The following LIN9 variants were observed in gnomAD, a reference collection of about 807,000 sequenced individuals.
LIN9 encodes lin-9 DREAM MuvB core complex component.
Under a neutral mutation model 78.0 loss-of-function variants are expected in LIN9, and 18 were observed. That is an observed-to-expected ratio of 0.23 (90% CI 0.16 to 0.34). LIN9 has a LOEUF of 0.34. Among genes scored for constraint, LIN9 ranks in the 10% least tolerant of loss-of-function variants. LIN9 has a pLI of 1.00. For synonymous variants in LIN9, 192 were observed against 215.2 expected (o/e 0.89, Z 0.94); for missense variants, 451 against 644.1 (o/e 0.70, Z 3.25).
intron 10 of LIN9, among the ~76,000 whole-genome samples, chr1:226,251,377 G>A (rs1474259885): frequency 1.3e-5 from 2 of 152,120 alleles, no homozygotes; most frequent in East Asian, 1.9e-4. Flanking sequence ...ACAGGCACCC[G>A]CCACCATGCC....
intron 11 of LIN9, among the ~76,000 whole-genome samples, chr1:226,243,689 C>G (rs1307741802): frequency 7.8e-6 from 1 of 127,818 alleles, no homozygotes; most frequent in African/African-American, 3.1e-5. Context: ...GAGCGAGACT[C>G]CGTCTCAAAA....
At chr1:226,264,179 G>C (rs1659774268) in intron 10 of LIN9, among the ~76,000 whole-genome samples, 1 of 151,596 alleles carries the variant, frequency 6.6e-6, no homozygotes, top group South Asian at 2.1e-4. Flanking sequence ...AGGAGTTTGA[G>C]ACCAGCCTGG....
chr1:226,294,277 CA>C (rs35182254), intron 4 of LIN9, among the ~76,000 whole-genome samples: 77,717 of 114,136 alleles, frequency 0.68, 23,922 homozygotes, highest in East Asian at 0.73. Context: ...CAATGCAGTC[CA>C]AAAAAAAAAA....
Position 226,309,110 on chromosome 1 carries a change from C to T in LIN9, c.30G>A (p.Glu10=), listed in dbSNP as rs1663119268. Residue 10 remains glutamate (E), a splice_region_variant and synonymous_variant, in exon 1 of 15, where the codon GAG becomes GAA. Coordinates refer to ENST00000681046, the MANE Select transcript of LIN9 (RefSeq NM_001366245.2). MAELDQLPD[E]SSSAKALVSL... is the part of the protein sequence containing the mutation. ...GGGGTGCTTTGAGGTGCTACTCACT[C>T]TCGTCAGGCAACTGGTCGAGCTCCG... is the stretch of plus-strand genomic sequence containing the variant. 5 of 1,329,384 alleles carry T rather than the reference C, an allele frequency of 3.8e-6. No individual in the cohort carries two copies. Among genetic ancestry groups the T allele is most frequent in the Non-Finnish European group, 4.9e-6 (5 of 1,028,286 alleles). 82.3% of individuals were successfully genotyped at this position (1,329,384 alleles called of 1,614,324 possible). A position where few individuals can be genotyped will look rare whatever the true frequency, so the allele number is the denominator to read the frequency against.
At chr1:226,257,124 A>AT (rs1375156946) in intron 10 of LIN9, among the ~76,000 whole-genome samples, 1 of 151,430 alleles carries the variant, frequency 6.6e-6, no homozygotes, top group Non-Finnish European at 1.5e-5. Flanking sequence ...TAATTTTTGT[A>AT]TTTTTAGTAG....
intron 6 of LIN9, among the ~76,000 whole-genome samples, chr1:226,280,574 G>A (rs1660984364): frequency 6.6e-6 from 1 of 152,084 alleles, no homozygotes; most frequent in African/African-American, 2.4e-5. Context: ...TCAGGAGATC[G>A]AGACCATCCT....
chr1:226,295,410 C>T (rs1341679077), intron 4 of LIN9, among the ~76,000 whole-genome samples: 1 of 151,962 alleles, frequency 6.6e-6, no homozygotes, highest in Non-Finnish European at 1.5e-5. Context: ...GATCACGCCA[C>T]TGTACTCCAG....
rs1659920878 is a variant in LIN9 at position 226,266,559 on chromosome 1, G to A, written c.817-227C>T. On this transcript the variant is annotated intron_variant, in intron 8 of 14. Coordinates refer to ENST00000681046, the MANE Select transcript of LIN9 (RefSeq NM_001366245.2). ...AACACTACTTTGCTGCCAAAAGGAT[G>A]AACCTCCAGAAGAAAAAAAGAAATA... Among the ~76,000 whole-genome samples, 3 of 142,094 alleles carry A rather than the reference G, an allele frequency of 2.1e-5. No homozygotes were observed. In the Admixed American group the frequency reaches 2.1e-4, roughly 10 times the overall value. The allele number at this position is 142,094 out of a possible 152,430, so 93.2% of individuals were successfully genotyped here. A position where few individuals can be genotyped will look rare whatever the true frequency, so the allele number is the denominator to read the frequency against.
At chr1:226,283,246 C>T (rs1661178287) in intron 6 of LIN9, among the ~76,000 whole-genome samples, 2 of 151,370 alleles carry the variant, frequency 1.3e-5, no homozygotes, top group Admixed American at 1.3e-4. Flanking sequence ...CCCACCTCAG[C>T]CTCCTGAGTA....
intron 10 of LIN9, among the ~76,000 whole-genome samples, chr1:226,253,437 G>T (rs1658976450): frequency 6.6e-6 from 1 of 151,616 alleles, no homozygotes; most frequent in Admixed American, 6.6e-5. Context: ...GGGACTACAG[G>T]CTCGCACCAC....
At chr1:226,274,108 C>A (rs1445514967) in intron 7 of LIN9, among the ~76,000 whole-genome samples, 1 of 152,224 alleles carries the variant, frequency 6.6e-6, no homozygotes, top group East Asian at 1.9e-4. Context: ...GCTGGGATTA[C>A]AGGCATGACC....
chr1:226,234,913 A>T (rs1382355784), intron 12 of LIN9, among the ~76,000 whole-genome samples: 12 of 62,484 alleles, frequency 1.9e-4, no homozygotes, highest in African/African-American at 4.6e-4. Context: ...TTTTTTTTTG[A>T]GACAGTCTCA....
intron 10 of LIN9, among the ~76,000 whole-genome samples, chr1:226,253,092 A>G (rs1658945133): frequency 6.6e-6 from 1 of 151,556 alleles, no homozygotes; most frequent in African/African-American, 2.4e-5. Context: ...GCAAGACCCC[A>G]TCTCTATGAA....
At chr1:226,271,165 C>T (rs1660248986) in intron 7 of LIN9, among the ~76,000 whole-genome samples, 2 of 152,170 alleles carry the variant, frequency 1.3e-5, no homozygotes, top group African/African-American at 4.8e-5. Flanking sequence ...AGTATCATGT[C>T]TAGACATTTT....
intron 11 of LIN9, among the ~76,000 whole-genome samples, chr1:226,245,763 A>C (rs929316658): frequency 6.6e-6 from 1 of 151,842 alleles, no homozygotes; most frequent in Non-Finnish European, 1.5e-5. Flanking sequence ...ACGCCTGGCT[A>C]ATTTTTGTAT....
Position 226,266,344 on chromosome 1 carries a change from G to A in LIN9, c.817-12C>T. ...TGAGGTTCATTACTCTGAGAAAACA[G>A]AATAATTCACAAAACTTAAAGAAAT... On this transcript the variant is annotated splice_polypyrimidine_tract_variant and intron_variant, in intron 8 of 14. Coordinates refer to ENST00000681046, the MANE Select transcript of LIN9 (RefSeq NM_001366245.2). 1 of 1,570,712 alleles carries A rather than the reference G, an allele frequency of 6.4e-7. No homozygotes were observed. The highest frequency in any genetic ancestry group is 1.8e-5 in the Admixed American group (1 of 54,854).
intron 1 of LIN9, among the ~76,000 whole-genome samples, chr1:226,308,155 C>CT (rs1324472888): frequency 6.6e-6 from 1 of 152,010 alleles, no homozygotes; most frequent in Non-Finnish European, 1.5e-5. Flanking sequence ...GGATTCAGGA[C>CT]TTTTTTTTGT....
intron 7 of LIN9, among the ~76,000 whole-genome samples, chr1:226,273,563 A>C (rs1047283058): frequency 6.6e-6 from 1 of 152,086 alleles, no homozygotes; most frequent in African/African-American, 2.4e-5. Context: ...TATTTAAAAA[A>C]TCAAATTCTC....
intron 4 of LIN9, among the ~76,000 whole-genome samples, chr1:226,288,812 T>A (rs1661542683): frequency 6.6e-6 from 1 of 152,246 alleles, no homozygotes; most frequent in Admixed American, 6.5e-5. Context: ...AGTCTCAATG[T>A]TACCTATATA....
Sources: gnomAD v4.1 joint callset for allele counts (sites outside exome capture counted in the v4.1 genomes callset) on GRCh38, gnomAD v4.1.1 for gene constraint, MANE v1.5 for transcripts, NCBI Gene and HGNC (gene_info 2026-07-23, HGNC 2026-07-21) for gene names.